CEP162: variants seen among roughly 807,000 people sequenced by gnomAD.
The protein encoded by CEP162 is centrosomal protein of 162 kDa.
In CEP162, 141 loss-of-function variants were observed where a neutral mutation model predicts 169.2. The ratio of observed to expected loss-of-function variants is 0.83; its 90% confidence interval spans 0.73 to 0.96. The LOEUF is 0.96. Ranked by LOEUF, CEP162 falls within the 40% of genes least tolerant of loss-of-function variation. The pLI is 0.00. For synonymous variants in CEP162, 540 were observed against 526.4 expected (o/e 1.03, Z -0.35); for missense variants, 1,600 against 1,587.2 (o/e 1.01, Z -0.14).
chr6:84,142,029 G>A (rs1297837611), intron 25 of CEP162, among the ~76,000 whole-genome samples: 2 of 152,092 alleles, frequency 1.3e-5, no homozygotes. Flanking sequence ...CCTTCAAGGA[G>A]TTAACTAAAA....
chr6:84,225,029 C>T (rs2099555156), intron 2 of CEP162, among the ~76,000 whole-genome samples: 2 of 152,110 alleles, frequency 1.3e-5, no homozygotes, highest in South Asian at 2.1e-4. Flanking sequence ...ATTATTTTTC[C>T]ATGAGACGGA....
intron 25 of CEP162, among the ~76,000 whole-genome samples, chr6:84,144,659 A>AGATT (rs1160077360): frequency 1.3e-5 from 2 of 152,118 alleles, no homozygotes; most frequent in Non-Finnish European, 2.9e-5. Flanking sequence ...TCTAATGAAA[A>AGATT]GATTGATTGG....
intron 9 of CEP162, among the ~76,000 whole-genome samples, chr6:84,197,738 A>G (rs982725780): frequency 5.3e-5 from 8 of 151,272 alleles, no homozygotes; most frequent in Admixed American, 5.3e-4. Flanking sequence ...AATCACTTGA[A>G]CCCAGGAGGT....
At chr6:84,193,748 A>G in intron 10 of CEP162, 58 bp from the exon 11 acceptor site, 4 of 985,450 alleles carry the variant, frequency 4.1e-6, no homozygotes, top group South Asian at 3.2e-5. Flanking sequence ...CTTAATTTAC[A>G]TGTGTAATAA....
At chr6:84,136,192 T>G (rs2099513989) in intron 25 of CEP162, among the ~76,000 whole-genome samples, 1 of 152,240 alleles carries the variant, frequency 6.6e-6, no homozygotes, top group African/African-American at 2.4e-5. Context: ...ACTGATCAGT[T>G]ATAGCTGTCC....
At chr6:84,199,764 A>G (rs1176337298) in intron 9 of CEP162, among the ~76,000 whole-genome samples, 1 of 152,186 alleles carries the variant, frequency 6.6e-6, no homozygotes, top group Non-Finnish European at 1.5e-5. Context: ...CTATTCAACA[A>G]AAACAAAAAA....
In CEP162 at chr6:84,191,297, A is replaced by G. The variant is rs148381759; in HGVS notation, c.1109+2312T>C. Among the ~76,000 whole-genome samples, 126 of 152,338 alleles carry G rather than the reference A, an allele frequency of 8.3e-4. 1 individual carries two copies. The highest frequency in any genetic ancestry group is 1.5e-3 in the Non-Finnish European group (101 of 68,032). ...CTAAAATTCACTTCAGTTGTAGCCA[A>G]TGGTGATAACATACAAGACAAATCC... is the stretch of plus-strand genomic sequence containing the variant. On this transcript the variant is annotated intron_variant, in intron 11 of 26. Coordinates refer to ENST00000403245, the MANE Select transcript of CEP162 (RefSeq NM_014895.4).
chr6:84,144,049 G>A (rs977005642), intron 25 of CEP162, among the ~76,000 whole-genome samples: 14 of 151,886 alleles, frequency 9.2e-5, no homozygotes, highest in African/African-American at 2.9e-4. Flanking sequence ...TTAATCAAAT[G>A]TTTTAAACTT....
intron 9 of CEP162, among the ~76,000 whole-genome samples, chr6:84,196,261 A>T (rs2099542082): frequency 6.6e-6 from 1 of 152,152 alleles, no homozygotes; most frequent in South Asian, 2.1e-4. Context: ...TAAAAACAAG[A>T]GTTTCCCTGC....
At chr6:84,131,204 A>G (rs1341515715) in intron 25 of CEP162, among the ~76,000 whole-genome samples, 4 of 152,172 alleles carry the variant, frequency 2.6e-5, no homozygotes, top group Admixed American at 6.5e-5. Context: ...ATTTGACTGC[A>G]CTGTGGTCTG....
At chr6:84,132,749 C>G (rs940675747) in intron 25 of CEP162, among the ~76,000 whole-genome samples, 3 of 152,118 alleles carry the variant, frequency 2.0e-5, no homozygotes, top group Admixed American at 1.3e-4. Context: ...TTCGTCTACT[C>G]TTTTTTCAAG....
chr6:84,133,506 G>C (rs1382798607), intron 25 of CEP162, among the ~76,000 whole-genome samples: 1 of 152,110 alleles, frequency 6.6e-6, no homozygotes, highest in East Asian at 1.9e-4. Flanking sequence ...GTTGCGGTGG[G>C]CTCCACCCAG....
chr6:84,171,483 T>G, intron 17 of CEP162, 123 bp downstream of exon 17: 1 of 440,136 alleles, frequency 2.3e-6, no homozygotes, highest in South Asian at 7.3e-5. Context: ...AAATTGGAAA[T>G]GTGTACAAAT....
Position 84,174,709 on chromosome 6 carries a change from G to T in CEP162, c.2025+18C>A, listed in dbSNP as rs2099531655. 6 of 1,073,952 alleles carry T rather than the reference G, an allele frequency of 5.6e-6. No individual in the cohort carries two copies. The highest frequency in any genetic ancestry group is 3.3e-5 in the African/African-American group (2 of 61,188). 66.5% of individuals were successfully genotyped at this position (1,073,952 alleles called of 1,614,324 possible). A position where few individuals can be genotyped will look rare whatever the true frequency, so the allele number is the denominator to read the frequency against. ...TTTTAATAAATATAAAAAAATACCA[G>T]AACAATGTATCTAGTACCTTGGCTT... On this transcript the variant is annotated intron_variant, in intron 15 of 26. Transcript: ENST00000403245.
intron 25 of CEP162, among the ~76,000 whole-genome samples, chr6:84,134,512 G>T (rs181138588): frequency 6.6e-6 from 1 of 152,178 alleles, no homozygotes; most frequent in African/African-American, 2.4e-5. Flanking sequence ...TGTGCATTGC[G>T]AAGACCTTGG....
intron 13 of CEP162, among the ~76,000 whole-genome samples, 194 bp from the exon 14 acceptor site, chr6:84,175,541 A>C (rs1056011862): frequency 2.0e-5 from 3 of 152,214 alleles, no homozygotes; most frequent in South Asian, 2.1e-4. Context: ...TCCATAATCA[A>C]CATTCTACTA....
intron 25 of CEP162, among the ~76,000 whole-genome samples, chr6:84,145,152 T>G (rs1184793394): frequency 1.3e-5 from 2 of 152,146 alleles, no homozygotes; most frequent in African/African-American, 4.8e-5. Flanking sequence ...GGTTTCCTTA[T>G]AGATGAGTAA....
intron 25 of CEP162, among the ~76,000 whole-genome samples, chr6:84,138,621 A>AG (rs2099515163): frequency 6.6e-6 from 1 of 152,218 alleles, no homozygotes; most frequent in East Asian, 1.9e-4. Flanking sequence ...GCTTTCTAGT[A>AG]GTGAGGCTTA....
chr6:84,209,444 G>A (rs567612399), intron 6 of CEP162, among the ~76,000 whole-genome samples: 2 of 150,666 alleles, frequency 1.3e-5, no homozygotes, highest in Non-Finnish European at 3.0e-5. Flanking sequence ...GCACGATCTC[G>A]GCTCACTGCA....
Sources: gnomAD v4.1 joint callset for allele counts (sites outside exome capture counted in the v4.1 genomes callset) on GRCh38, gnomAD v4.1.1 for gene constraint, MANE v1.5 for transcripts, NCBI Gene and HGNC (gene_info 2026-07-23, HGNC 2026-07-21) for gene names.